IMMP2L: variants seen among roughly 807,000 people sequenced by gnomAD.
The protein encoded by IMMP2L is inner mitochondrial membrane peptidase subunit 2.
In IMMP2L, 18 loss-of-function variants were observed where a neutral mutation model predicts 19.3. The observed-to-expected ratio is 0.93, with a 90% CI of 0.64 to 1.38. The LOEUF is 1.38. Among genes scored for constraint, IMMP2L ranks in the 40% most tolerant of loss-of-function variants. The pLI is 0.00. For synonymous variants in IMMP2L, 76 were observed against 73.0 expected, an observed-to-expected ratio of 1.04 and a Z score of -0.21; for missense variants, 233 against 218.2, an observed-to-expected ratio of 1.07 and a Z score of -0.43.
At chr7:111,523,721 A>G (rs886968132) in intron 1 of IMMP2L, among the ~76,000 whole-genome samples, 2 of 152,250 alleles carry the variant, frequency 1.3e-5, no homozygotes, top group Middle Eastern at 3.4e-3. Flanking sequence ...ATTCAAACTC[A>G]TCTAACAACT....
chr7:111,539,262 GAAAGAA>G (rs1848304461), intron 1 of IMMP2L, among the ~76,000 whole-genome samples: 1 of 141,396 alleles, frequency 7.1e-6, no homozygotes, highest in Non-Finnish European at 1.6e-5. Flanking sequence ...AAGAAAGAAA[GAAAGAA>G]AGAGAACATA....
intron 5 of IMMP2L, among the ~76,000 whole-genome samples, chr7:110,809,135 T>C (rs1296716289): frequency 2.0e-5 from 3 of 151,974 alleles, no homozygotes; most frequent in Admixed American, 1.3e-4. Flanking sequence ...AAAGAAACCA[T>C]CAAATAAGAG....
chr7:111,291,569 C>T (rs749704489), intron 3 of IMMP2L, among the ~76,000 whole-genome samples: 10 of 151,904 alleles, frequency 6.6e-5, no homozygotes, highest in Middle Eastern at 3.4e-3. Flanking sequence ...AAAACCTGGC[C>T]GTCTACACAC....
chr7:111,051,455 C>A (rs1793001273), intron 3 of IMMP2L, among the ~76,000 whole-genome samples: 1 of 152,166 alleles, frequency 6.6e-6, no homozygotes, highest in Non-Finnish European at 1.5e-5. Flanking sequence ...AGAGTCACAT[C>A]TATTCTTATT....
At chr7:111,425,548 G>A (rs538767411) in intron 3 of IMMP2L, among the ~76,000 whole-genome samples, 7 of 151,110 alleles carry the variant, frequency 4.6e-5, no homozygotes, top group African/African-American at 1.7e-4. Context: ...GATGAATAGA[G>A]GGATTAAAAT....
At chr7:111,504,340 G>C (rs1003474473) in intron 2 of IMMP2L, among the ~76,000 whole-genome samples, 1 of 152,050 alleles carries the variant, frequency 6.6e-6, no homozygotes, top group Non-Finnish European at 1.5e-5. Context: ...ACAAATGGAA[G>C]GGCATTCCAT....
intron 5 of IMMP2L, among the ~76,000 whole-genome samples, chr7:110,759,035 T>C (rs1798197038): frequency 6.6e-6 from 1 of 152,162 alleles, no homozygotes; most frequent in African/African-American, 2.4e-5. Context: ...ATACTCACTG[T>C]AATTTTCATT....
At position 111,322,982 on chromosome 7, in the gene IMMP2L, A is replaced by G. The variant is rs1015244209; in HGVS notation, c.239+164256T>C. On this transcript the variant is annotated intron_variant, in intron 3 of 5. Coordinates refer to ENST00000405709, the MANE Select transcript of IMMP2L (RefSeq NM_032549.4). The stretch of plus-strand genomic sequence containing the variant: ...GTGAATGCACCTTTGTTTTACACGG[A>G]CGGCTGCATCTCCCACATTTGCAAA... Among the ~76,000 whole-genome samples, 8 of 151,802 alleles carry G rather than the reference A, an allele frequency of 5.3e-5. No individual in the cohort carries two copies. The East Asian group carries it at 1.5e-3, about 29-fold the overall frequency.
intron 3 of IMMP2L, among the ~76,000 whole-genome samples, chr7:111,032,179 T>C (rs1283340613): frequency 6.6e-6 from 1 of 152,060 alleles, no homozygotes; most frequent in Admixed American, 6.6e-5. Flanking sequence ...GGGCTTAAGG[T>C]ATCCGCCTAT....
At chr7:110,719,292 G>A (rs938350433) in intron 5 of IMMP2L, among the ~76,000 whole-genome samples, 3 of 152,182 alleles carry the variant, frequency 2.0e-5, no homozygotes, top group Non-Finnish European at 2.9e-5. Flanking sequence ...ATGAGTCAAT[G>A]CAGAAGCAAA....
At chr7:111,325,401 G>A (rs753416606) in intron 3 of IMMP2L, among the ~76,000 whole-genome samples, 27 of 151,336 alleles carry the variant, frequency 1.8e-4, no homozygotes, top group Admixed American at 5.3e-4. Flanking sequence ...ATGTGAAAGC[G>A]CGCAAAATAA....
intron 1 of IMMP2L, among the ~76,000 whole-genome samples, chr7:111,556,018 G>GTATATATATATATATATATATATATATA (rs1554550149): frequency 0.012 from 1,064 of 91,084 alleles, 170 homozygotes; most frequent in East Asian, 0.022. Context: ...CTGTGTGCAT[G>GTATATATATATATATATATATATATATA]TATATATATA....
At chr7:111,002,518 G>C (rs1175345900) in intron 3 of IMMP2L, among the ~76,000 whole-genome samples, 1 of 152,152 alleles carries the variant, frequency 6.6e-6, no homozygotes, top group Non-Finnish European at 1.5e-5. Flanking sequence ...GCTTAGATGA[G>C]TGCTTCAAAT....
chr7:110,676,972 C>T (rs745519661), intron 5 of IMMP2L, among the ~76,000 whole-genome samples: 5 of 152,146 alleles, frequency 3.3e-5, no homozygotes, highest in East Asian at 1.9e-4. Flanking sequence ...TCTACTGTGA[C>T]GTCACGCATT....
intron 4 of IMMP2L, among the ~76,000 whole-genome samples, chr7:110,951,881 C>A (rs960860730): frequency 2.5e-4 from 38 of 152,176 alleles, no homozygotes; most frequent in African/African-American, 9.2e-4. Flanking sequence ...ACATAAAATT[C>A]TTCCTCCCAA....
intron 5 of IMMP2L, among the ~76,000 whole-genome samples, chr7:110,773,403 T>A (rs1379396523): frequency 6.6e-6 from 1 of 152,100 alleles, no homozygotes; most frequent in African/African-American, 2.4e-5. Flanking sequence ...AGATCACTCT[T>A]ATCTGAAGAC....
intron 5 of IMMP2L, among the ~76,000 whole-genome samples, chr7:110,763,252 C>T (rs1275455904): frequency 6.6e-6 from 1 of 152,090 alleles, no homozygotes; most frequent in African/African-American, 2.4e-5. Flanking sequence ...ATGGAATTTC[C>T]TTTGTTTTAG....
intron 3 of IMMP2L, among the ~76,000 whole-genome samples, chr7:111,421,014 G>T (rs188466744): frequency 6.6e-6 from 1 of 151,928 alleles, no homozygotes; most frequent in African/African-American, 2.4e-5. Flanking sequence ...CTAATTTACA[G>T]TCCCACCAAC....
intron 4 of IMMP2L, among the ~76,000 whole-genome samples, chr7:110,921,773 T>C (rs1430988497): frequency 6.6e-6 from 1 of 152,188 alleles, no homozygotes; most frequent in Non-Finnish European, 1.5e-5. Context: ...AGAACATTAT[T>C]TTGACATATA....
Sources: gnomAD v4.1 joint callset for allele counts (sites outside exome capture counted in the v4.1 genomes callset) on GRCh38, gnomAD v4.1.1 for gene constraint, MANE v1.5 for transcripts, NCBI Gene and HGNC (gene_info 2026-07-23, HGNC 2026-07-21) for gene names.